Variants in NCAM1 observed in about 807,000 individuals in gnomAD.
NCAM1 encodes neural cell adhesion molecule 1.
NCAM1 carries 14 observed loss-of-function variants against 109.8 expected under a neutral mutation model. The observed-to-expected ratio is 0.13, with a 90% CI of 0.08 to 0.20. The LOEUF (loss-of-function observed/expected upper bound fraction) is 0.20, where lower values mean the gene tolerates loss of function less well. NCAM1 is among the 10% of genes least tolerant of loss of function. The pLI is 1.00. For missense variants in NCAM1, 774 were observed against 1,109.9 expected (o/e 0.70, Z 4.30); for synonymous variants, 418 against 442.9 (o/e 0.94, Z 0.70).
rs782363836 is a variant in NCAM1 at position 113,202,455 on chromosome 11, C to T, written c.127+2C>T. ...AGTCCAAATTCTTCTTATGCCAAGG[C>T]AAGTGCCTAGTGCTCAGCTGCATTT... On this transcript the variant is annotated splice_donor_variant, in intron 2 of 19. Coordinates refer to ENST00000316851, the MANE Select transcript of NCAM1 (RefSeq NM_181351.5). LOFTEE classifies it low-confidence loss of function (GC_TO_GT_DONOR). 8.7e-6 allele frequency: 14 copies of T among 1,608,810 alleles called. No homozygotes were observed. In the South Asian group the frequency reaches 1.6e-4, roughly 18 times the overall value.
chr11:113,176,216 T>G (rs1337532729), intron 1 of NCAM1, among the ~76,000 whole-genome samples: 2 of 152,124 alleles, frequency 1.3e-5, no homozygotes, highest in Non-Finnish European at 2.9e-5. Context: ...AACCCCCTGA[T>G]CTATGCCAGG....
intron 1 of NCAM1, among the ~76,000 whole-genome samples, chr11:113,165,817 A>ATTTTTTT (rs5794848): frequency 6.9e-6 from 1 of 145,214 alleles, no homozygotes; most frequent in African/African-American, 2.6e-5. Flanking sequence ...AAACCGACTG[A>ATTTTTTT]TTTTTTTTTT....
intron 15 of NCAM1, among the ~76,000 whole-genome samples, chr11:113,254,390 T>G (rs1470656887): frequency 6.6e-6 from 1 of 152,242 alleles, no homozygotes; most frequent in African/African-American, 2.4e-5. Context: ...TCCTCCTTGT[T>G]GCAGCTTTTA....
intron 1 of NCAM1, among the ~76,000 whole-genome samples, chr11:113,129,478 A>G (rs953461692): frequency 6.6e-6 from 1 of 152,174 alleles, no homozygotes; most frequent in Non-Finnish European, 1.5e-5. Flanking sequence ...TGCCAGTAAC[A>G]GTGACTAAGA....
intron 1 of NCAM1, among the ~76,000 whole-genome samples, chr11:113,033,830 C>T (rs142957213): frequency 1.4e-3 from 219 of 152,298 alleles, no homozygotes; most frequent in African/African-American, 4.7e-3. Flanking sequence ...TAGATCAATC[C>T]TACATATCTT....
chr11:112,985,387 C>T (rs1259025348), intron 1 of NCAM1, among the ~76,000 whole-genome samples: 4 of 151,456 alleles, frequency 2.6e-5, no homozygotes, highest in African/African-American at 9.7e-5. Context: ...AGTCTTTTGT[C>T]TTCCAGATGA....
chr11:113,062,346 A>G (rs1352426601), intron 1 of NCAM1, among the ~76,000 whole-genome samples: 7 of 152,102 alleles, frequency 4.6e-5, no homozygotes, highest in African/African-American at 7.2e-5. Flanking sequence ...GAATCAGGCA[A>G]TCTGTGACCT....
At chr11:113,038,221 A>T (rs1386917717) in intron 1 of NCAM1, among the ~76,000 whole-genome samples, 1 of 152,028 alleles carries the variant, frequency 6.6e-6, no homozygotes, top group Non-Finnish European at 1.5e-5. Context: ...CTAATCCCTA[A>T]ATCGATGTCC....
chr11:113,108,008 C>T (rs1940251449), intron 1 of NCAM1, among the ~76,000 whole-genome samples: 1 of 152,092 alleles, frequency 6.6e-6, no homozygotes, highest in African/African-American at 2.4e-5. Flanking sequence ...GATAAGTTCC[C>T]CCAAGCTCCT....
intron 1 of NCAM1, among the ~76,000 whole-genome samples, chr11:113,152,540 A>G (rs967892317): frequency 5.9e-5 from 9 of 152,214 alleles, no homozygotes; most frequent in African/African-American, 2.2e-4. Context: ...CTACCTTTAC[A>G]TGCTTTTGCT....
intron 1 of NCAM1, among the ~76,000 whole-genome samples, chr11:113,028,729 G>A (rs1223321768): frequency 1.3e-5 from 2 of 152,210 alleles, no homozygotes; most frequent in South Asian, 2.1e-4. Context: ...AGTTATCTGG[G>A]TAATTACATC....
intron 1 of NCAM1, among the ~76,000 whole-genome samples, chr11:112,991,058 G>C (rs570665874): frequency 2.6e-5 from 4 of 152,082 alleles, no homozygotes; most frequent in Admixed American, 2.6e-4. Flanking sequence ...TTTTCTGCAC[G>C]TGTTTTGCCA....
chr11:113,087,865 C>A (rs1939158545), intron 1 of NCAM1, among the ~76,000 whole-genome samples: 1 of 152,182 alleles, frequency 6.6e-6, no homozygotes. Context: ...TTATAGAGGT[C>A]AGAGGACATG....
intron 1 of NCAM1, among the ~76,000 whole-genome samples, chr11:113,070,031 C>G (rs569769286): frequency 3.3e-5 from 5 of 152,064 alleles, no homozygotes; most frequent in African/African-American, 1.2e-4. Flanking sequence ...GATGTGAATA[C>G]AGGATTCATC....
At chr11:113,173,627 T>TATATATA (rs1555106599) in intron 1 of NCAM1, among the ~76,000 whole-genome samples, 25 of 137,678 alleles carry the variant, frequency 1.8e-4, no homozygotes, top group South Asian at 4.6e-4. Context: ...TATATATATA[T>TATATATA]TTTAGAGGGT....
At chr11:112,967,240 C>A (rs1950751072) in intron 1 of NCAM1, among the ~76,000 whole-genome samples, 1 of 152,140 alleles carries the variant, frequency 6.6e-6, no homozygotes, top group Non-Finnish European at 1.5e-5. Context: ...ATCTGATTAC[C>A]TCATCATTTA....
intron 9 of NCAM1, chr11:113,231,402 C>G (rs1175748143): frequency 9.1e-7 from 1 of 1,098,024 alleles, no homozygotes; most frequent in Non-Finnish European, 1.3e-6. Flanking sequence ...ATCAGGCTGC[C>G]TGACATAACT....
At chr11:112,970,410 G>T (rs377103175) in intron 1 of NCAM1, among the ~76,000 whole-genome samples, 13 of 152,240 alleles carry the variant, frequency 8.5e-5, no homozygotes, top group African/African-American at 3.1e-4. Context: ...TTTTATTGCT[G>T]TATGAAACAT....
intron 1 of NCAM1, among the ~76,000 whole-genome samples, chr11:113,057,919 G>A (rs1953771367): frequency 2.0e-5 from 3 of 152,252 alleles, no homozygotes; most frequent in African/African-American, 4.8e-5. Flanking sequence ...AGCTATGGAA[G>A]GATATGTAGA....
Sources: allele counts gnomAD v4.1 joint callset (sites outside exome capture counted in the v4.1 genomes callset), GRCh38; gene constraint gnomAD v4.1.1; transcripts MANE v1.5; gene names NCBI Gene and HGNC (gene_info 2026-07-23, HGNC 2026-07-21).